FRMD5: variants seen among roughly 807,000 people sequenced by gnomAD.
The protein encoded by FRMD5 is FERM domain containing 5, also known as FERM domain-containing protein 5.
In FRMD5, 20 loss-of-function variants were observed where a neutral mutation model predicts 69.0. That is an observed-to-expected ratio of 0.29 (90% CI 0.20 to 0.42). The LOEUF (loss-of-function observed/expected upper bound fraction) is 0.42. Ranked by LOEUF, FRMD5 falls within the 10% of genes least tolerant of loss-of-function variation. The probability of loss-of-function intolerance (pLI) is 1.00; values close to 1 mark genes in which losing one functional copy is unlikely to be tolerated. For missense variants in FRMD5, 595 were observed against 708.6 expected (o/e 0.84, Z 1.82); for synonymous variants, 271 against 260.1 (o/e 1.04, Z -0.40).
intron 1 of FRMD5, among the ~76,000 whole-genome samples, chr15:43,934,156 G>A (rs117050524): frequency 6.6e-6 from 1 of 152,212 alleles, no homozygotes; most frequent in Admixed American, 6.5e-5. Flanking sequence ...CCTCCATGGA[G>A]GGTTGGGGTG....
intron 1 of FRMD5, among the ~76,000 whole-genome samples, chr15:44,171,796 C>T (rs1009614151): frequency 2.6e-5 from 4 of 152,166 alleles, no homozygotes; most frequent in African/African-American, 9.7e-5. Flanking sequence ...CAGAGTCTCG[C>T]TCTGTCACTC....
intron 1 of FRMD5, among the ~76,000 whole-genome samples, chr15:43,990,575 T>C (rs1889627693): frequency 6.6e-6 from 1 of 152,234 alleles, no homozygotes; most frequent in Non-Finnish European, 1.5e-5. Flanking sequence ...TCAGCTAGCA[T>C]GGTAATTTTT....
chr15:44,019,603 G>C (rs1382687201), intron 1 of FRMD5, among the ~76,000 whole-genome samples: 4 of 151,658 alleles, frequency 2.6e-5, no homozygotes, highest in African/African-American at 9.7e-5. Context: ...TGGGTGTGGT[G>C]GTGGGCACCT....
intron 1 of FRMD5, among the ~76,000 whole-genome samples, chr15:43,952,552 T>C (rs115375061): frequency 0.016 from 2,414 of 152,336 alleles, 70 homozygotes; most frequent in African/African-American, 0.056. Flanking sequence ...ACGGCCATCA[T>C]GCAGAGGGAA....
intron 1 of FRMD5, chr15:43,989,097 C>A: frequency 1.0e-6 from 1 of 955,830 alleles, no homozygotes. Context: ...AGGTGCCTGA[C>A]TCATCATATT....
intron 1 of FRMD5, among the ~76,000 whole-genome samples, chr15:44,015,797 TACA>T (rs1890931473): frequency 6.6e-6 from 1 of 152,226 alleles, no homozygotes; most frequent in African/African-American, 2.4e-5. Flanking sequence ...ACTATGCACT[TACA>T]GATAGATGGC....
intron 1 of FRMD5, among the ~76,000 whole-genome samples, chr15:44,064,804 C>T (rs1191944988): frequency 6.6e-6 from 1 of 152,138 alleles, no homozygotes; most frequent in Non-Finnish European, 1.5e-5. Context: ...TTAAAGATCA[C>T]TGAAAAATGA....
chr15:44,008,653 C>A (rs1444921511), intron 1 of FRMD5, among the ~76,000 whole-genome samples: 2 of 152,082 alleles, frequency 1.3e-5, no homozygotes, highest in South Asian at 4.1e-4. Flanking sequence ...CTAATACTTG[C>A]ATCAGATTTT....
intron 13 of FRMD5, chr15:43,876,028 C>T: frequency 3.3e-6 from 4 of 1,203,536 alleles, no homozygotes; most frequent in Non-Finnish European, 1.2e-6. Context: ...GCTTTATCTT[C>T]ACTATATTGT....
chr15:44,160,183 G>A (rs1431289065), intron 1 of FRMD5, among the ~76,000 whole-genome samples: 2 of 152,152 alleles, frequency 1.3e-5, no homozygotes, highest in African/African-American at 4.8e-5. Context: ...GTTAAACCCT[G>A]TCTCTACTAA....
intron 13 of FRMD5, among the ~76,000 whole-genome samples, chr15:43,877,298 T>C (rs1469184949): frequency 6.6e-6 from 1 of 152,214 alleles, no homozygotes; most frequent in Admixed American, 6.5e-5. Flanking sequence ...ATTAGGGAGT[T>C]TTTTGGTTCA....
At chr15:43,978,293 T>A (rs1170262651) in intron 1 of FRMD5, among the ~76,000 whole-genome samples, 1 of 152,148 alleles carries the variant, frequency 6.6e-6, no homozygotes, top group Non-Finnish European at 1.5e-5. Flanking sequence ...ACAAAAGAGA[T>A]ACAGCTACTG....
chr15:44,035,221 C>T (rs144111315), intron 1 of FRMD5, among the ~76,000 whole-genome samples: 58 of 152,258 alleles, frequency 3.8e-4, no homozygotes, highest in African/African-American at 1.4e-3. Context: ...CTCTACATAA[C>T]CAGTGGTTTT....
At chr15:44,118,626 CT>C (rs2076903518) in intron 1 of FRMD5, among the ~76,000 whole-genome samples, 1 of 152,150 alleles carries the variant, frequency 6.6e-6, no homozygotes. Context: ...ACAGCATTTA[CT>C]TCTCTTTTTA....
intron 1 of FRMD5, among the ~76,000 whole-genome samples, chr15:43,972,283 G>T (rs2090392810): frequency 6.6e-6 from 1 of 151,730 alleles, no homozygotes; most frequent in African/African-American, 2.4e-5. Flanking sequence ...TGTGGGATGG[G>T]GTTAGGGAGG....
At chr15:44,185,368 C>T (rs2078081451) in intron 1 of FRMD5, among the ~76,000 whole-genome samples, 1 of 152,138 alleles carries the variant, frequency 6.6e-6, no homozygotes, top group Non-Finnish European at 1.5e-5. Flanking sequence ...TTCTGTTAGA[C>T]AGATAAGTGT....
At chr15:44,122,810 G>A (rs1471727061) in intron 1 of FRMD5, among the ~76,000 whole-genome samples, 1 of 151,982 alleles carries the variant, frequency 6.6e-6, no homozygotes, top group East Asian at 1.9e-4. Flanking sequence ...AGAATGGCGT[G>A]AACCCGGGAG....
At chr15:43,875,838 T>G (rs1479686887) in intron 13 of FRMD5, 2 of 529,534 alleles carry the variant, frequency 3.8e-6, no homozygotes, top group African/African-American at 2.0e-5. Context: ...CTTTCAGTCT[T>G]TCATATGATT....
At chr15:44,073,304 G>A (rs1893619072) in intron 1 of FRMD5, among the ~76,000 whole-genome samples, 1 of 152,058 alleles carries the variant, frequency 6.6e-6, no homozygotes, top group Non-Finnish European at 1.5e-5. Flanking sequence ...AAACATACGT[G>A]TATAAGAGCA....
Sources: gnomAD v4.1 joint callset for allele counts (sites outside exome capture counted in the v4.1 genomes callset) on GRCh38, gnomAD v4.1.1 for gene constraint, MANE v1.5 for transcripts, NCBI Gene and HGNC (gene_info 2026-07-23, HGNC 2026-07-21) for gene names.